The following TOP1 variants were observed in gnomAD, a reference collection of about 807,000 sequenced individuals.
The protein encoded by TOP1 is DNA topoisomerase I.
In TOP1, 10 loss-of-function variants were observed where a neutral mutation model predicts 111.1. That is an observed-to-expected ratio of 0.09 (90% CI 0.06 to 0.15). The LOEUF (loss-of-function observed/expected upper bound fraction) is 0.15. Among genes scored for constraint, TOP1 ranks in the 10% least tolerant of loss-of-function variants. The probability of loss-of-function intolerance (pLI) is 1.00; values close to 1 mark genes in which losing one functional copy is unlikely to be tolerated. For synonymous variants in TOP1, 271 were observed against 302.9 expected, an observed-to-expected ratio of 0.89 and a Z score of 1.10; for missense variants, 474 against 926.7, an observed-to-expected ratio of 0.51 and a Z score of 6.34.
rs1403549669 is a variant in TOP1 at position 41,071,879 on chromosome 20, C to A, written c.156-4292C>A. Among the ~76,000 whole-genome samples, 1 of 152,130 alleles carries A rather than the reference C, an allele frequency of 6.6e-6. No individual in the cohort carries two copies. The highest frequency in any genetic ancestry group is 1.5e-5 in the Non-Finnish European group (1 of 68,026). Reference sequence around the variant, plus strand: ...TTTTCTCGTTCAGAGTTCCTCATGCCCATGGGGTAAATTCATATTTCATCC... The same window carrying A: ...TTTTCTCGTTCAGAGTTCCTCATGCACATGGGGTAAATTCATATTTCATCC... On this transcript the variant is annotated intron_variant, in intron 3 of 20. Coordinates refer to ENST00000361337, the MANE Select transcript of TOP1 (RefSeq NM_003286.4). This position sits in a 1 kb window ranked among gnomAD's most constrained non-coding sequence, Gnocchi z 4.3.
chr20:41,063,763 T>C (rs1385449871), intron 3 of TOP1, among the ~76,000 whole-genome samples: 2 of 151,756 alleles, frequency 1.3e-5, no homozygotes, highest in Admixed American at 1.3e-4. Context: ...GTTCATGTCT[T>C]TTGCTTGTTT....
intron 3 of TOP1, among the ~76,000 whole-genome samples, chr20:41,064,807 T>C (rs918849785): frequency 6.6e-6 from 1 of 152,136 alleles, no homozygotes; most frequent in African/African-American, 2.4e-5. Context: ...GTGTCTTTAC[T>C]TTTCCCTATG....
intron 2 of TOP1, among the ~76,000 whole-genome samples, chr20:41,051,131 G>C (rs1399856989): frequency 3.3e-5 from 5 of 152,224 alleles, no homozygotes; most frequent in African/African-American, 9.6e-5. Context: ...ATCTTTGACA[G>C]AAGTTATATT....
Position 41,092,727 on chromosome 20 carries a change from AG to A in TOP1, c.730+144del. Reference sequence around the variant, plus strand: ...TTTTATTGCCATGCAATTTTGAGGAAGGGGCATCAGGTGTTAACTCTTAAAG... The same window carrying A: ...TTTTATTGCCATGCAATTTTGAGGAAGGGCATCAGGTGTTAACTCTTAAAG... On this transcript the variant is annotated intron_variant, in intron 9 of 20. Transcript: ENST00000361337. This position sits in a 1 kb window ranked among gnomAD's most constrained non-coding sequence, Gnocchi z 4.3. 1 of 546,140 alleles carries A rather than the reference AG, an allele frequency of 1.8e-6. No individual in the cohort carries two copies. 33.8% of individuals were successfully genotyped at this position (546,140 alleles called of 1,614,324 possible).
intron 8 of TOP1, among the ~76,000 whole-genome samples, chr20:41,091,327 T>C (rs2033917290): frequency 6.6e-6 from 1 of 152,184 alleles, no homozygotes; most frequent in Non-Finnish European, 1.5e-5. Flanking sequence ...TGGATCCTGG[T>C]CTATAAAATA....
chr20:41,092,763 CT>C lies in TOP1; in HGVS notation c.730+177del, dbSNP rs1453733185. The stretch of plus-strand genomic sequence containing the variant: ...GTGTTAACTCTTAAAGGCTCATTTG[CT>C]GCTGAAAAAGTGCCATGGAAAAGGG... On this transcript the variant is annotated intron_variant, in intron 9 of 20. Coordinates refer to ENST00000361337, the MANE Select transcript of TOP1 (RefSeq NM_003286.4). The surrounding 1 kb of genome is among the most constrained non-coding windows in gnomAD (Gnocchi z 4.3). 6.6e-6 allele frequency among the ~76,000 whole-genome samples: 1 copy of C among 152,128 alleles called. No homozygotes were observed. The highest frequency in any genetic ancestry group is 2.4e-5 in the African/African-American group (1 of 41,422).
intron 2 of TOP1, among the ~76,000 whole-genome samples, chr20:41,048,501 C>A (rs1370105839): frequency 6.6e-6 from 1 of 152,174 alleles, no homozygotes; most frequent in East Asian, 1.9e-4. Flanking sequence ...CAATAAAGGT[C>A]ATTTTATAGA....
chr20:41,045,929 C>A (rs1282078224), intron 2 of TOP1, among the ~76,000 whole-genome samples: 1 of 152,132 alleles, frequency 6.6e-6, no homozygotes, highest in African/African-American at 2.4e-5. Context: ...AGTAATCTGG[C>A]TCACAGTTAG....
intron 3 of TOP1, chr20:41,072,818 A>G: frequency 2.0e-6 from 2 of 985,456 alleles, no homozygotes; most frequent in Non-Finnish European, 1.2e-6. Context: ...ATGCCCTGTA[A>G]TAGAAGCTGT....
rs1442593135 is a variant in TOP1, at chr20:41,067,555, A to G, written c.155+6065A>G. On this transcript the variant is annotated intron_variant, in intron 3 of 20. Coordinates refer to ENST00000361337, the MANE Select transcript of TOP1 (RefSeq NM_003286.4). The surrounding 1 kb of genome is among the most constrained non-coding windows in gnomAD (Gnocchi z 4.0). ...TATTTAATCACATCTGAACCCCAGA[A>G]TAATTAGTATTTAGCATGTTCTGTT... is the stretch of plus-strand genomic sequence containing the variant. Among the ~76,000 whole-genome samples, 1 of 152,252 alleles carries G rather than the reference A, an allele frequency of 6.6e-6. No individual in the cohort carries two copies. Among genetic ancestry groups the G allele is most frequent in the African/African-American group, 2.4e-5 (1 of 41,458 alleles).
chr20:41,061,590 A>C lies in TOP1; in HGVS notation c.155+100A>C, dbSNP rs532831179. 1.0e-6 allele frequency: 1 copy of C among 1,001,278 alleles called. No individual in the cohort carries two copies. Among genetic ancestry groups the C allele is most frequent in the African/African-American group, 1.6e-5 (1 of 61,680 alleles). The allele number at this position is 1,001,278 out of a possible 1,614,324, so 62.0% of individuals were successfully genotyped here. ...CTTAACTTGAGCTACATGTAAAGAT[A>C]GCAAAGTAAGTAGAAACTGTATTTG... On this transcript the variant is annotated intron_variant, in intron 3 of 20. Transcript: ENST00000361337. This position sits in a 1 kb window ranked among gnomAD's most constrained non-coding sequence, Gnocchi z 4.6.
At chr20:41,088,794 T>C (rs2033879494) in intron 8 of TOP1, among the ~76,000 whole-genome samples, 1 of 152,176 alleles carries the variant, frequency 6.6e-6, no homozygotes, top group South Asian at 2.1e-4. Flanking sequence ...ATAGAAGATC[T>C]TTAATATTCC....
chr20:41,071,320 G>T lies in TOP1; in HGVS notation c.156-4851G>T, dbSNP rs1435564455. On this transcript the variant is annotated intron_variant, in intron 3 of 20. Transcript: ENST00000361337. This position sits in a 1 kb window ranked among gnomAD's most constrained non-coding sequence, Gnocchi z 4.3. ...TTGCTGTCATCACTTTAAAAATAGT[G>T]TAAGTTATTTTTTTCTTTCCTTTTT... 6.6e-6 allele frequency among the ~76,000 whole-genome samples: 1 copy of T among 151,652 alleles called. No individual in the cohort carries two copies. Among genetic ancestry groups the T allele is most frequent in the East Asian group, 1.9e-4 (1 of 5,184 alleles).
intron 2 of TOP1, among the ~76,000 whole-genome samples, chr20:41,060,592 C>T (rs1451008102): frequency 6.6e-6 from 1 of 152,046 alleles, no homozygotes; most frequent in Non-Finnish European, 1.5e-5. Flanking sequence ...GGGGATTGCA[C>T]CTGTGGGTGT....
rs2034044414 is a variant in TOP1 at position 41,100,425 on chromosome 20, G to GGGATATGTTCCAAGACCCCCAGT, written c.1163+187_1163+209dup. Among the ~76,000 whole-genome samples the GGGATATGTTCCAAGACCCCCAGT allele has an allele frequency of 6.6e-6, 1 of 151,550 alleles. No homozygotes were observed. The highest frequency in any genetic ancestry group is 2.4e-5 in the African/African-American group (1 of 41,382). On this transcript the variant is annotated intron_variant, in intron 12 of 20. Coordinates refer to ENST00000361337, the MANE Select transcript of TOP1 (RefSeq NM_003286.4). This position sits in a 1 kb window ranked among gnomAD's most constrained non-coding sequence, Gnocchi z 4.4. ...TACAGTTGTCTCCCCTCATCCACAGGGGATATGTTCCAAGACCCCCAGTGG... is the reference window on the plus strand; with the variant it reads ...TACAGTTGTCTCCCCTCATCCACAGGGGATATGTTCCAAGACCCCCAGTGGATATGTTCCAAGACCCCCAGTGG...
chr20:41,056,986 C>T (rs957553097), intron 2 of TOP1, among the ~76,000 whole-genome samples: 13 of 152,218 alleles, frequency 8.5e-5, no homozygotes, highest in Non-Finnish European at 1.5e-4. Flanking sequence ...TGTGGCCGGG[C>T]GCAGTGGCTC....
Position 41,116,705 on chromosome 20 carries a change from T to C in TOP1, c.1822+313T>C, listed in dbSNP as rs1334057589. On this transcript the variant is annotated intron_variant, in intron 17 of 20. Coordinates refer to ENST00000361337, the MANE Select transcript of TOP1 (RefSeq NM_003286.4). This position sits in a 1 kb window ranked among gnomAD's most constrained non-coding sequence, Gnocchi z 5.6. Reference sequence around the variant, plus strand: ...AGCCCACAGAGTGAAGACAGTGCTGTGATGTTCTGTTAAATTGGAGAGAGT... The same window carrying C: ...AGCCCACAGAGTGAAGACAGTGCTGCGATGTTCTGTTAAATTGGAGAGAGT... Among the ~76,000 whole-genome samples, 3 of 152,214 alleles carry C rather than the reference T, an allele frequency of 2.0e-5. No individual in the cohort carries two copies. The highest frequency in any genetic ancestry group is 4.8e-5 in the African/African-American group (2 of 41,454).
chr20:41,077,591 T>C lies in TOP1; in HGVS notation c.289T>C (p.Ser97Pro). The change falls in exon 5 of 21, where the codon TCT becomes CCT. Residue 97 changes from serine to proline, a missense_variant. Physicochemically the swap from Ser to Pro is moderately conservative, Grantham distance 74 (BLOSUM62 -1). Coordinates refer to ENST00000361337, the MANE Select transcript of TOP1 (RefSeq NM_003286.4). ...EKRKEEKVRA[S>P]GDAKIKKEKE... The stretch of plus-strand genomic sequence containing the variant: ...TTGTTTTACTTTTCAGGTTCGAGCC[T>C]CTGGGGATGCAAAAATAAAGAAGGA... 6.2e-7 allele frequency: 1 copy of C among 1,614,100 alleles called. No individual in the cohort carries two copies. Among genetic ancestry groups the C allele is most frequent in the Non-Finnish European group, 8.5e-7 (1 of 1,179,938 alleles).
At chr20:41,107,050 T>C (rs769247902) in intron 13 of TOP1, among the ~76,000 whole-genome samples, 5 of 152,196 alleles carry the variant, frequency 3.3e-5, no homozygotes, top group Non-Finnish European at 7.4e-5. Flanking sequence ...ATACACCCTT[T>C]AATGTTTCTT....
Sources: gnomAD v4.1 joint callset for allele counts (sites outside exome capture counted in the v4.1 genomes callset) on GRCh38, gnomAD v4.1.1 for gene constraint, Gnocchi (gnomAD v3.1) non-coding constraint, MANE v1.5 for transcripts, NCBI Gene and HGNC (gene_info 2026-07-23, HGNC 2026-07-21) for gene names.